RIN3: variants seen among roughly 807,000 people sequenced by gnomAD.
RIN3 encodes the protein Ras and Rab interactor 3.
In RIN3, 54 loss-of-function variants were observed where a neutral mutation model predicts 76.3. The observed-to-expected ratio is 0.71, with a 90% CI of 0.57 to 0.89. The LOEUF (loss-of-function observed/expected upper bound fraction) is 0.89, where lower values mean the gene tolerates loss of function less well. Among genes scored for constraint, RIN3 ranks in the 40% least tolerant of loss-of-function variants. The pLI, the probability that RIN3 is intolerant of heterozygous loss-of-function variation, is 0.00. For synonymous variants in RIN3, 576 were observed against 564.0 expected (o/e 1.02, Z -0.30); for missense variants, 1,256 against 1,322.1 (o/e 0.95, Z 0.78).
chr14:92,642,707 C>T (rs537476585), intron 5 of RIN3, among the ~76,000 whole-genome samples: 1 of 152,212 alleles, frequency 6.6e-6, no homozygotes, highest in East Asian at 1.9e-4. Context: ...CCCTTGGTTC[C>T]CAAGCCAGGC....
chr14:92,619,526 G>A lies in RIN3; in HGVS notation c.440+4047G>A, dbSNP rs529658094. On this transcript the variant is annotated intron_variant, in intron 4 of 9. Transcript: ENST00000216487. Reference sequence around the variant, plus strand: ...GCAATCTCAGCTCACTGCAATCTCTGCCTCCCAGGTTCACACCATTCTCCT... The same window carrying A: ...GCAATCTCAGCTCACTGCAATCTCTACCTCCCAGGTTCACACCATTCTCCT... Among the ~76,000 whole-genome samples the A allele has an allele frequency of 1.8e-4, 25 of 135,862 alleles. No homozygotes were observed. In the South Asian group the frequency reaches 6.0e-3, roughly 33 times the overall value. The allele number at this position is 135,862 out of a possible 152,430, so 89.1% of individuals were successfully genotyped here.
intron 2 of RIN3, among the ~76,000 whole-genome samples, chr14:92,571,597 C>T (rs1409462372): frequency 1.3e-5 from 2 of 152,162 alleles, no homozygotes; most frequent in Admixed American, 6.5e-5. Context: ...ATAATTTGGA[C>T]ACTACCCAGA....
At chr14:92,582,259 C>T (rs1243080718) in intron 3 of RIN3, among the ~76,000 whole-genome samples, 2 of 151,910 alleles carry the variant, frequency 1.3e-5, no homozygotes, top group Non-Finnish European at 2.9e-5. Context: ...GCCGTGTGGC[C>T]GAATCTCACT....
intron 1 of RIN3, among the ~76,000 whole-genome samples, chr14:92,523,796 T>A (rs1896657404): frequency 6.6e-6 from 1 of 152,232 alleles, no homozygotes. Context: ...TCCCCCAGCC[T>A]CAGTTCTGTG....
intron 1 of RIN3, among the ~76,000 whole-genome samples, chr14:92,551,381 T>C (rs950403722): frequency 1.3e-5 from 2 of 152,200 alleles, no homozygotes; most frequent in African/African-American, 4.8e-5. Flanking sequence ...CCAGGTGGTA[T>C]TGAGCTATTA....
At chr14:92,610,847 T>A (rs1003742038) in intron 3 of RIN3, among the ~76,000 whole-genome samples, 1 of 152,046 alleles carries the variant, frequency 6.6e-6, no homozygotes, top group African/African-American at 2.4e-5. Context: ...ACAAAACCCT[T>A]TCCCTGCACC....
chr14:92,618,212 A>G (rs1886044010), intron 4 of RIN3, among the ~76,000 whole-genome samples: 1 of 152,232 alleles, frequency 6.6e-6, no homozygotes. Context: ...ATAAGTGCAC[A>G]AAACAGACCC....
At chr14:92,628,610 G>T (rs1404555854) in intron 4 of RIN3, among the ~76,000 whole-genome samples, 1 of 152,182 alleles carries the variant, frequency 6.6e-6, no homozygotes, top group Non-Finnish European at 1.5e-5. Flanking sequence ...GCTTTCCCAT[G>T]CTTCCTGTTC....
intron 4 of RIN3, among the ~76,000 whole-genome samples, chr14:92,629,330 A>G (rs1886477167): frequency 6.6e-6 from 1 of 152,238 alleles, no homozygotes; most frequent in African/African-American, 2.4e-5. Flanking sequence ...GACAAAACGC[A>G]CGAGCAAAAC....
At chr14:92,559,092 C>T (rs1470572907) in intron 2 of RIN3, among the ~76,000 whole-genome samples, 1 of 152,084 alleles carries the variant, frequency 6.6e-6, no homozygotes, top group Non-Finnish European at 1.5e-5. Flanking sequence ...GTCTCAGACT[C>T]CTGACCTCAG....
intron 3 of RIN3, among the ~76,000 whole-genome samples, chr14:92,588,380 G>A (rs1286889031): frequency 6.6e-6 from 1 of 151,746 alleles, no homozygotes. Context: ...GGCATGTGCC[G>A]CCGCCCCTGG....
At position 92,678,104 on chromosome 14, in the gene RIN3, AT is replaced by A. The variant is rs1289818114; in HGVS notation, c.2467+1499del. On this transcript the variant is annotated intron_variant, in intron 8 of 9. Coordinates refer to ENST00000216487, the MANE Select transcript of RIN3 (RefSeq NM_024832.5). ...CACCCATCCATTCACCCATCCATCT[AT>A]GCACTCATCCACCCATCCACATATT... Among the ~76,000 whole-genome samples the A allele has an allele frequency of 5.3e-5, 8 of 150,880 alleles. No homozygotes were observed. In the East Asian group the frequency reaches 1.4e-3, roughly 26 times the overall value.
chr14:92,611,260 G>T (rs1028624621), intron 3 of RIN3, among the ~76,000 whole-genome samples: 1 of 151,512 alleles, frequency 6.6e-6, no homozygotes, highest in South Asian at 2.1e-4. Flanking sequence ...CATTCCCTTC[G>T]CTGGGTCTGT....
chr14:92,537,634 CTTTTTT>C lies in RIN3; in HGVS notation c.45-18095_45-18090del, dbSNP rs576683908. On this transcript the variant is annotated intron_variant, in intron 1 of 9. Transcript: ENST00000216487. ...CAGCTATAAGTGAGTGCCTTAGGGA[CTTTTTT>C]TTTTTTTTTTTTTTTTTTTTTGGAG... Among the ~76,000 whole-genome samples, 12 of 51,634 alleles carry C rather than the reference CTTTTTT, an allele frequency of 2.3e-4. No individual in the cohort carries two copies. In the South Asian group the frequency reaches 2.9e-3, roughly 12 times the overall value. 33.9% of individuals were successfully genotyped at this position (51,634 alleles called of 152,430 possible). A position where few individuals can be genotyped will look rare whatever the true frequency, so the allele number is the denominator to read the frequency against.
At chr14:92,619,903 G>A (rs1886114882) in intron 4 of RIN3, among the ~76,000 whole-genome samples, 2 of 152,174 alleles carry the variant, frequency 1.3e-5, no homozygotes, top group Admixed American at 1.3e-4. Context: ...AGGCAAAGAA[G>A]CAACTTATGA....
At position 92,568,830 on chromosome 14, in the gene RIN3, C is replaced by T. The variant is rs1018654972; in HGVS notation, c.250-8530C>T. On this transcript the variant is annotated intron_variant, in intron 2 of 9. Coordinates refer to ENST00000216487, the MANE Select transcript of RIN3 (RefSeq NM_024832.5). The surrounding 1 kb of genome is among the most constrained non-coding windows in gnomAD (Gnocchi z 4.2). ...ATGCTGAAAGGGTGGGTGATGGGTT[C>T]GGAGCTGGGGAGCTGGCAGAGTCCA... is the stretch of plus-strand genomic sequence containing the variant. 6.6e-6 allele frequency among the ~76,000 whole-genome samples: 1 copy of T among 152,222 alleles called. No homozygotes were observed. Among genetic ancestry groups the T allele is most frequent in the Non-Finnish European group, 1.5e-5 (1 of 68,046 alleles).
At chr14:92,585,079 T>A (rs922702324) in intron 3 of RIN3, among the ~76,000 whole-genome samples, 5 of 152,188 alleles carry the variant, frequency 3.3e-5, no homozygotes, top group African/African-American at 1.2e-4. Flanking sequence ...CAATCATAGC[T>A]CACTGCAACC....
At chr14:92,657,687 C>A (rs1035435352) in intron 6 of RIN3, among the ~76,000 whole-genome samples, 1 of 152,164 alleles carries the variant, frequency 6.6e-6, no homozygotes, top group East Asian at 1.9e-4. Context: ...CCCCCATCTG[C>A]GCCCATCTCT....
intron 4 of RIN3, among the ~76,000 whole-genome samples, chr14:92,621,502 T>C (rs576664656): frequency 2.2e-4 from 33 of 152,298 alleles, no homozygotes; most frequent in Admixed American, 7.2e-4. Context: ...CATGAATACA[T>C]TGGTTTGTTT....
Sources: allele counts gnomAD v4.1 joint callset (sites outside exome capture counted in the v4.1 genomes callset), GRCh38; gene constraint gnomAD v4.1.1; non-coding constraint Gnocchi (gnomAD v3.1); transcripts MANE v1.5; gene names NCBI Gene and HGNC (gene_info 2026-07-23, HGNC 2026-07-21).